Variants in NELL1 observed in about 807,000 individuals in gnomAD.
NELL1 encodes protein kinase C-binding protein NELL1.
Under a neutral mutation model 107.4 loss-of-function variants are expected in NELL1, and 76 were observed. That is an observed-to-expected ratio of 0.71 (90% CI 0.59 to 0.86). The LOEUF is 0.86. NELL1 is among the 40% of genes least tolerant of loss of function. The pLI is 0.00. For synonymous variants in NELL1, 353 were observed against 341.2 expected (o/e 1.03, Z -0.38); for missense variants, 1,024 against 1,005.5 (o/e 1.02, Z -0.25).
intron 15 of NELL1, among the ~76,000 whole-genome samples, chr11:21,524,212 TG>T (rs1489231496): frequency 6.6e-6 from 1 of 152,180 alleles, no homozygotes; most frequent in African/African-American, 2.4e-5. Context: ...ACTGTGGGTA[TG>T]TTATTTAAAC....
intron 14 of NELL1, among the ~76,000 whole-genome samples, chr11:21,343,772 C>G (rs1850626080): frequency 6.6e-6 from 1 of 152,096 alleles, no homozygotes; most frequent in African/African-American, 2.4e-5. Flanking sequence ...GTGGATTTCT[C>G]CAGTGGGTTG....
chr11:21,412,131 T>G (rs1852393851), intron 15 of NELL1, among the ~76,000 whole-genome samples: 1 of 152,108 alleles, frequency 6.6e-6, no homozygotes, highest in Non-Finnish European at 1.5e-5. Context: ...AAAATATCAC[T>G]CTTTGTTTTC....
At chr11:21,352,054 T>A (rs1850830144) in intron 14 of NELL1, among the ~76,000 whole-genome samples, 2 of 152,110 alleles carry the variant, frequency 1.3e-5, no homozygotes, top group African/African-American at 4.8e-5. Context: ...CCATGAAGCC[T>A]TTATGCTAAG....
chr11:21,316,020 CCTT>C (rs1849873922), intron 14 of NELL1, among the ~76,000 whole-genome samples: 2 of 152,044 alleles, frequency 1.3e-5, no homozygotes, highest in African/African-American at 4.8e-5. Flanking sequence ...GTTTTCTTCT[CCTT>C]CTATAAGGTC....
intron 14 of NELL1, among the ~76,000 whole-genome samples, chr11:21,282,094 CT>C (rs1849008985): frequency 6.6e-6 from 1 of 152,074 alleles, no homozygotes; most frequent in Non-Finnish European, 1.5e-5. Flanking sequence ...TGCCAACTAT[CT>C]ATCTGACAAG....
At chr11:21,284,498 G>T (rs780856922) in intron 14 of NELL1, 1 of 459,704 alleles carries the variant, frequency 2.2e-6, no homozygotes, top group Non-Finnish European at 4.4e-6. Context: ...GTGCTGTGGG[G>T]GAGGTGGCAT....
chr11:20,958,799 G>A (rs1851230530), intron 11 of NELL1, among the ~76,000 whole-genome samples: 1 of 152,158 alleles, frequency 6.6e-6, no homozygotes, highest in Non-Finnish European at 1.5e-5. Context: ...ATATGCCCCA[G>A]GAAGCATGTT....
chr11:21,533,116 A>T (rs1856035287), intron 15 of NELL1, among the ~76,000 whole-genome samples: 1 of 152,202 alleles, frequency 6.6e-6, no homozygotes, highest in African/African-American at 2.4e-5. Flanking sequence ...TGAACAATAC[A>T]TGCTACAGAA....
chr11:20,708,929 G>C (rs767568454), intron 2 of NELL1, among the ~76,000 whole-genome samples: 3 of 152,056 alleles, frequency 2.0e-5, no homozygotes, highest in African/African-American at 7.2e-5. Context: ...CAGATCATCA[G>C]GCATTAGATT....
intron 11 of NELL1, among the ~76,000 whole-genome samples, chr11:20,953,222 A>G (rs1164704987): frequency 6.6e-6 from 1 of 152,172 alleles, no homozygotes; most frequent in East Asian, 1.9e-4. Flanking sequence ...AAGATTTTAG[A>G]ATAGAGGACT....
intron 15 of NELL1, among the ~76,000 whole-genome samples, chr11:21,445,311 CTTGTTT>C (rs111903241): frequency 0.046 from 6,944 of 150,626 alleles, 180 homozygotes; most frequent in South Asian, 0.058. Context: ...TGTTTTTGTT[CTTGTTT>C]TTGTTTTTGT....
intron 13 of NELL1, among the ~76,000 whole-genome samples, chr11:21,163,935 C>T (rs1442689120): frequency 6.6e-6 from 1 of 152,068 alleles, no homozygotes; most frequent in Non-Finnish European, 1.5e-5. Flanking sequence ...CTCTAACATT[C>T]ATAAGGGTGA....
chr11:21,541,733 T>C (rs897361403), intron 16 of NELL1, among the ~76,000 whole-genome samples: 2 of 152,082 alleles, frequency 1.3e-5, no homozygotes, highest in Non-Finnish European at 2.9e-5. Context: ...ATTTAACCTT[T>C]CAAAGCCTTA....
intron 2 of NELL1, among the ~76,000 whole-genome samples, chr11:20,713,589 C>T (rs1398241856): frequency 3.9e-5 from 6 of 152,082 alleles, no homozygotes; most frequent in Non-Finnish European, 7.4e-5. Context: ...TCAGGCCTTG[C>T]CCCCTCCCTG....
intron 13 of NELL1, among the ~76,000 whole-genome samples, chr11:21,119,758 G>C (rs1223497344): frequency 6.6e-6 from 1 of 151,956 alleles, no homozygotes; most frequent in Non-Finnish European, 1.5e-5. Flanking sequence ...CAGGGAGGAG[G>C]GGTTTTTCTT....
rs78298263 is a variant in NELL1, at chr11:21,543,856, C to T, written c.1786+9342C>T. Among the ~76,000 whole-genome samples, 561 of 152,098 alleles carry T rather than the reference C, an allele frequency of 3.7e-3. 3 individuals carry two copies. The highest frequency in any genetic ancestry group is 0.013 in the African/African-American group (522 of 41,534). On this transcript the variant is annotated intron_variant, in intron 16 of 19. Coordinates refer to ENST00000357134, the MANE Select transcript of NELL1 (RefSeq NM_006157.5). ...ATGAACCCAAGGTTCATTCATTACC[C>T]ACAGCCTAGCTGGGCTGACAGAGCA... is the stretch of plus-strand genomic sequence containing the variant.
chr11:21,368,465 C>A (rs1397042046), intron 14 of NELL1, among the ~76,000 whole-genome samples: 2 of 151,542 alleles, frequency 1.3e-5, no homozygotes, highest in African/African-American at 4.9e-5. Flanking sequence ...GATTAACCCA[C>A]ACTGTAACAA....
intron 15 of NELL1, among the ~76,000 whole-genome samples, chr11:21,468,755 A>T (rs1451957264): frequency 6.6e-6 from 1 of 152,036 alleles, no homozygotes; most frequent in East Asian, 1.9e-4. Context: ...GCCAGGAGCC[A>T]TGATGCCTTG....
chr11:21,479,610 A>G (rs1854437768), intron 15 of NELL1, among the ~76,000 whole-genome samples: 1 of 152,188 alleles, frequency 6.6e-6, no homozygotes, highest in Non-Finnish European at 1.5e-5. Context: ...AATAAGATCT[A>G]TAATTTGATA....
Sources: allele counts gnomAD v4.1 joint callset (sites outside exome capture counted in the v4.1 genomes callset), GRCh38; gene constraint gnomAD v4.1.1; transcripts MANE v1.5; gene names NCBI Gene and HGNC (gene_info 2026-07-23, HGNC 2026-07-21).